BBS9: variants seen among roughly 807,000 people sequenced by gnomAD.
BBS9 encodes Bardet-Biedl syndrome 9.
Under a neutral mutation model 117.7 loss-of-function variants are expected in BBS9, and 89 were observed. The ratio of observed to expected loss-of-function variants is 0.76; its 90% confidence interval spans 0.64 to 0.90. The LOEUF is 0.90. Ranked by LOEUF, BBS9 falls within the 40% of genes least tolerant of loss-of-function variation. The pLI, the probability that BBS9 is intolerant of heterozygous loss-of-function variation, is 0.00. For synonymous variants in BBS9, 379 were observed against 370.9 expected (o/e 1.02, Z -0.25); for missense variants, 982 against 1,042.2 (o/e 0.94, Z 0.80).
At chr7:33,532,830 C>A (rs1850792924) in intron 20 of BBS9, among the ~76,000 whole-genome samples, 1 of 152,122 alleles carries the variant, frequency 6.6e-6, no homozygotes, top group Admixed American at 6.5e-5. Flanking sequence ...AGGGCTCTTA[C>A]TTCTAATATA....
intron 21 of BBS9, among the ~76,000 whole-genome samples, chr7:33,562,908 G>C (rs768334464): frequency 3.3e-5 from 5 of 151,832 alleles, no homozygotes; most frequent in Non-Finnish European, 7.4e-5. Context: ...TGGTGACAAA[G>C]CAAGACTCCA....
chr7:33,431,180 G>T (rs1173053704), intron 19 of BBS9, among the ~76,000 whole-genome samples: 1 of 150,870 alleles, frequency 6.6e-6, no homozygotes, highest in Non-Finnish European at 1.5e-5. Context: ...CAGCCTGGGA[G>T]TGTGGAATAA....
intron 9 of BBS9, among the ~76,000 whole-genome samples, chr7:33,307,185 A>C (rs1251491602): frequency 6.6e-6 from 1 of 152,166 alleles, no homozygotes; most frequent in Non-Finnish European, 1.5e-5. Context: ...AACAAAAATA[A>C]GATTTTCTTT....
intron 19 of BBS9, among the ~76,000 whole-genome samples, chr7:33,483,112 G>C (rs1487703378): frequency 6.6e-6 from 1 of 151,934 alleles, no homozygotes; most frequent in Non-Finnish European, 1.5e-5. Context: ...GGGGGCGGGG[G>C]GAATAGCTTT....
chr7:33,355,321 A>G (rs1307843898), intron 15 of BBS9, among the ~76,000 whole-genome samples: 1 of 151,956 alleles, frequency 6.6e-6, no homozygotes, highest in Non-Finnish European at 1.5e-5. Flanking sequence ...CCCAGTAGAA[A>G]TGTGCCTCTG....
chr7:33,171,584 ATT>A (rs896063505), intron 4 of BBS9, among the ~76,000 whole-genome samples: 1 of 152,156 alleles, frequency 6.6e-6, no homozygotes, highest in Non-Finnish European at 1.5e-5. Flanking sequence ...GATAAAAACT[ATT>A]TTTTTAAGTT....
Position 33,604,857 on chromosome 7 carries a change from T to A in BBS9, c.2522-8T>A, listed in dbSNP as rs751453204. 6.3e-7 allele frequency: 1 copy of A among 1,587,474 alleles called. No homozygotes were observed. The highest frequency in any genetic ancestry group is 1.7e-5 in the Admixed American group (1 of 59,758). ...TTGCTTAAAATATTGTTTGTATTTTTCAACTAGGTGGTTGTACTACAATCC... is the reference window on the plus strand; with the variant it reads ...TTGCTTAAAATATTGTTTGTATTTTACAACTAGGTGGTTGTACTACAATCC... On this transcript the variant is annotated splice_region_variant and splice_polypyrimidine_tract_variant and intron_variant, in intron 21 of 22. Transcript: ENST00000242067.
chr7:33,326,758 T>C (rs1028942587), intron 9 of BBS9, among the ~76,000 whole-genome samples: 13 of 151,668 alleles, frequency 8.6e-5, no homozygotes, highest in Admixed American at 2.6e-4. Context: ...TGGCCCAGGG[T>C]ATGTTTAGAA....
intron 21 of BBS9, among the ~76,000 whole-genome samples, chr7:33,539,127 A>T (rs1401059004): frequency 6.6e-6 from 1 of 152,244 alleles, no homozygotes; most frequent in Non-Finnish European, 1.5e-5. Flanking sequence ...GAGTTCAATT[A>T]GAAGAATAAA....
At chr7:33,262,120 G>T (rs1798070197) in intron 6 of BBS9, among the ~76,000 whole-genome samples, 1 of 152,128 alleles carries the variant, frequency 6.6e-6, no homozygotes, top group Non-Finnish European at 1.5e-5. Flanking sequence ...TAATTTTACT[G>T]TCAAGTTTAA....
chr7:33,340,963 A>C lies in BBS9; in HGVS notation c.1265A>C (p.Asp422Ala). ...NVSVVVSPNFDSVSQATDVEV... is the reference protein window; with the variant it reads ...NVSVVVSPNFASVSQATDVEV... Reference sequence around the variant, plus strand: ...TCTGTCGTGGTTTCTCCTAACTTTGATTCAGTTTCTGTAGGTGTACTTGCA... The same window carrying C: ...TCTGTCGTGGTTTCTCCTAACTTTGCTTCAGTTTCTGTAGGTGTACTTGCA... The change falls in exon 11 of 23, where the codon GAT becomes GCT. Residue 422 changes from aspartate to alanine, a missense_variant. Transcript: ENST00000242067. 6.2e-7 allele frequency: 1 copy of C among 1,613,438 alleles called. No homozygotes were observed. Among genetic ancestry groups the C allele is most frequent in the Non-Finnish European group, 8.5e-7 (1 of 1,179,536 alleles).
In BBS9 at chr7:33,226,370, CT is replaced by C. The variant is rs1166798967; in HGVS notation, c.443-30865del. Among the ~76,000 whole-genome samples the C allele has an allele frequency of 5.9e-5, 9 of 152,092 alleles. No individual in the cohort carries two copies. In the South Asian group the frequency reaches 8.3e-4, roughly 14 times the overall value. On this transcript the variant is annotated intron_variant, in intron 5 of 22. Coordinates refer to ENST00000242067, the MANE Select transcript of BBS9 (RefSeq NM_198428.3). ...GTTACACATTCTTGTGATTTTATAT[CT>C]GATAGGTCTTTTATTGATAAGTGTT...
In BBS9 at chr7:33,427,890, T is replaced by C. The variant is rs577340448; in HGVS notation, c.2115+39746T>C. Among the ~76,000 whole-genome samples the C allele has an allele frequency of 2.6e-5, 4 of 152,288 alleles. No individual in the cohort carries two copies. In the South Asian group the frequency reaches 8.3e-4, roughly 32 times the overall value. ...CATAATGACCCTAACTAGTTACTAT[T>C]ATTATCCTTATTTTATGCATGAGGA... On this transcript the variant is annotated intron_variant, in intron 19 of 22. Coordinates refer to ENST00000242067, the MANE Select transcript of BBS9 (RefSeq NM_198428.3).
At chr7:33,403,476 C>A (rs75125970) in intron 19 of BBS9, among the ~76,000 whole-genome samples, 18,528 of 113,924 alleles carry the variant, frequency 0.16, 1,837 homozygotes, top group Middle Eastern at 0.27. Flanking sequence ...TCCCCCCACC[C>A]CACAACAGTC....
At chr7:33,381,216 A>G (rs1824959578) in intron 17 of BBS9, among the ~76,000 whole-genome samples, 1 of 152,130 alleles carries the variant, frequency 6.6e-6, no homozygotes, top group Non-Finnish European at 1.5e-5. Flanking sequence ...ATACTTGAAA[A>G]TGGTAGTGTA....
chr7:33,134,762 T>C (rs566596218), intron 1 of BBS9, among the ~76,000 whole-genome samples: 72 of 152,148 alleles, frequency 4.7e-4, no homozygotes, highest in Admixed American at 7.9e-4. Context: ...ATGCCCAGCT[T>C]ATTTTTTCTT....
Position 33,152,732 on chromosome 7 carries a change from C to T in BBS9, c.144C>T (p.Tyr48=), listed in dbSNP as rs758009096. The stretch of plus-strand genomic sequence containing the variant: ...TAATTGTGGGTAGCTTTATGGGATA[C>T]CTAAGGATCTTTAGCCCCCATCCTG... The part of the protein sequence containing the change: ...DKIIVGSFMG[Y]LRIFSPHPAK... The change falls in exon 3 of 23, where the codon TAC becomes TAT. Residue 48 remains tyrosine, a synonymous_variant. Transcript: ENST00000242067. The T allele has an allele frequency of 2.5e-6, 4 of 1,612,648 alleles. No homozygotes were observed. In the South Asian group the frequency reaches 4.4e-5, roughly 18 times the overall value.
At chr7:33,344,078 GTTTTTTTTTT>G (rs34530007) in intron 11 of BBS9, among the ~76,000 whole-genome samples, 1 of 67,466 alleles carries the variant, frequency 1.5e-5, no homozygotes, top group Non-Finnish European at 2.5e-5. Context: ...TAGGGGATGA[GTTTTTTTTTT>G]TTTTTTTTTT....
At chr7:33,286,108 G>A (rs1802833791) in intron 9 of BBS9, among the ~76,000 whole-genome samples, 1 of 151,956 alleles carries the variant, frequency 6.6e-6, no homozygotes, top group Non-Finnish European at 1.5e-5. Flanking sequence ...ATGATTTTCT[G>A]TTTTATAAAT....
Sources: allele counts gnomAD v4.1 joint callset (sites outside exome capture counted in the v4.1 genomes callset), GRCh38; gene constraint gnomAD v4.1.1; transcripts MANE v1.5; gene names NCBI Gene and HGNC (gene_info 2026-07-23, HGNC 2026-07-21).